The following C3orf20 variants were observed in gnomAD, a reference collection of about 807,000 sequenced individuals.
C3orf20 encodes family with sequence similarity 149 member C.
Under a neutral mutation model 88.3 loss-of-function variants are expected in C3orf20, and 76 were observed. The observed-to-expected ratio is 0.86, with a 90% confidence interval of 0.72 to 1.04. The LOEUF (loss-of-function observed/expected upper bound fraction) is 1.04. C3orf20 is among the 50% of genes least tolerant of loss of function. The pLI, the probability that C3orf20 is intolerant of heterozygous loss-of-function variation, is 0.00. For synonymous variants in C3orf20, 436 were observed against 437.4 expected, an observed-to-expected ratio of 1.00 and a Z score of 0.04; for missense variants, 1,056 against 1,123.3, an observed-to-expected ratio of 0.94 and a Z score of 0.86.
rs919297154 is a variant in C3orf20, at chr3:14,742,991, C to G, written c.1940+14303C>G. Among the ~76,000 whole-genome samples the G allele has an allele frequency of 5.9e-5, 9 of 151,916 alleles. 2 individuals are homozygous for G. The highest frequency in any genetic ancestry group is 1.9e-4 in the African/African-American group (8 of 41,206). ...TCAAGTTGAGATTTCAGTGGAGACA[C>G]AGCCAAACCATATAATTCCACCCGT... On this transcript the variant is annotated intron_variant, in intron 12 of 16. Coordinates refer to ENST00000253697, the MANE Select transcript of C3orf20 (RefSeq NM_032137.5).
chr3:14,720,277 A>G (rs1179218578), intron 9 of C3orf20, among the ~76,000 whole-genome samples: 4 of 152,216 alleles, frequency 2.6e-5, no homozygotes, highest in Admixed American at 6.5e-5. Flanking sequence ...TGATCCGCCC[A>G]CCTTGGCCTC....
At chr3:14,680,896 T>C (rs1452516693) in intron 1 of C3orf20, among the ~76,000 whole-genome samples, 2 of 152,232 alleles carry the variant, frequency 1.3e-5, no homozygotes, top group African/African-American at 4.8e-5. Flanking sequence ...TTCTTTGTCC[T>C]GTGGACTTAT....
intron 12 of C3orf20, among the ~76,000 whole-genome samples, chr3:14,738,225 T>A (rs989846662): frequency 1.4e-5 from 2 of 146,006 alleles, no homozygotes; most frequent in Non-Finnish European, 3.0e-5. Context: ...TGGAGTACAG[T>A]GGTGCAATCT....
chr3:14,685,454 C>T (rs1195797483), intron 4 of C3orf20, among the ~76,000 whole-genome samples: 2 of 102,680 alleles, frequency 1.9e-5, no homozygotes, highest in Non-Finnish European at 4.0e-5. Flanking sequence ...CTCTCTCTCT[C>T]TCTGTTTCTC....
At chr3:14,713,548 A>T (rs988003476) in intron 7 of C3orf20, among the ~76,000 whole-genome samples, 4 of 152,228 alleles carry the variant, frequency 2.6e-5, no homozygotes, top group African/African-American at 9.6e-5. Context: ...GCAGCCTGAT[A>T]GCATTAGAAA....
intron 15 of C3orf20, among the ~76,000 whole-genome samples, chr3:14,769,109 G>A (rs1260222280): frequency 6.6e-6 from 1 of 152,102 alleles, no homozygotes; most frequent in African/African-American, 2.4e-5. Flanking sequence ...AAGGCGCTGA[G>A]ACCAAATCCT....
rs1441041492 is a variant in C3orf20, at chr3:14,768,443, G to A, written c.2496-3624G>A. Among the ~76,000 whole-genome samples the A allele has an allele frequency of 6.6e-6, 1 of 152,032 alleles. No individual in the cohort carries two copies. The highest frequency in any genetic ancestry group is 2.4e-5 in the African/African-American group (1 of 41,330). The stretch of plus-strand genomic sequence containing the variant: ...GAAGCCCCTTGGACAGGCAGGGGAA[G>A]GGCATGCAGACGTAGGCTTTCCTGA... On this transcript the variant is annotated intron_variant, in intron 15 of 16. Coordinates refer to ENST00000253697, the MANE Select transcript of C3orf20 (RefSeq NM_032137.5). This position sits in a 1 kb window ranked among gnomAD's most constrained non-coding sequence, Gnocchi z 4.1.
intron 12 of C3orf20, among the ~76,000 whole-genome samples, chr3:14,733,731 C>T (rs2034612272): frequency 6.6e-6 from 1 of 151,670 alleles, no homozygotes; most frequent in Non-Finnish European, 1.5e-5. Flanking sequence ...ACTCTGTTGC[C>T]AGGCTGGAGT....
At chr3:14,750,315 G>A (rs1032826766) in intron 12 of C3orf20, among the ~76,000 whole-genome samples, 3 of 152,232 alleles carry the variant, frequency 2.0e-5, no homozygotes, top group South Asian at 2.1e-4. Flanking sequence ...TTTGGGAGGC[G>A]TAGGCAGGCA....
intron 9 of C3orf20, 45 bp from the exon 10 acceptor site, chr3:14,721,608 G>A: frequency 4.4e-6 from 7 of 1,605,494 alleles, no homozygotes; most frequent in Non-Finnish European, 6.0e-6. Flanking sequence ...GGTGGCTGGG[G>A]CCGTTGAAGC....
chr3:14,751,899 A>G lies in C3orf20; in HGVS notation c.1941-5472A>G, dbSNP rs561015943. 1.9e-4 allele frequency among the ~76,000 whole-genome samples: 29 copies of G among 152,348 alleles called. 1 individual carries two copies. The South Asian group carries it at 5.4e-3, about 28-fold the overall frequency. Reference sequence around the variant, plus strand: ...AAGAATCAATATTGTGAAAATGGCCATACTACCCAAGATAATTTATACATT... The same window carrying G: ...AAGAATCAATATTGTGAAAATGGCCGTACTACCCAAGATAATTTATACATT... On this transcript the variant is annotated intron_variant, in intron 12 of 16. Coordinates refer to ENST00000253697, the MANE Select transcript of C3orf20 (RefSeq NM_032137.5).
At position 14,761,499 on chromosome 3, in the gene C3orf20, T is replaced by TG. The variant is rs770132565; in HGVS notation, c.2384dup (p.Arg796ProfsTer33). The TG allele has an allele frequency of 1.2e-6, 2 of 1,613,952 alleles. No homozygotes were observed. The highest frequency in any genetic ancestry group is 1.7e-6 in the Non-Finnish European group (2 of 1,180,044). On this transcript the variant is annotated frameshift_variant, in exon 15 of 17. Coordinates refer to ENST00000253697, the MANE Select transcript of C3orf20 (RefSeq NM_032137.5). LOFTEE classifies it high-confidence loss of function. Reference sequence around the variant, plus strand: ...TGTTTGCCGGGGGGAAGCTCATTTTTGGGGGCCGTGTTTTGAATGGATATG... The same window carrying TG: ...TGTTTGCCGGGGGGAAGCTCATTTTTGGGGGGCCGTGTTTTGAATGGATATG...
rs192702109 is a variant in C3orf20, at chr3:14,740,504, A to G, written c.1940+11816A>G. Among the ~76,000 whole-genome samples, 226 of 152,360 alleles carry G rather than the reference A, an allele frequency of 1.5e-3. 1 individual carries two copies. The highest frequency in any genetic ancestry group is 2.5e-3 in the Non-Finnish European group (171 of 68,032). On this transcript the variant is annotated intron_variant, in intron 12 of 16. Coordinates refer to ENST00000253697, the MANE Select transcript of C3orf20 (RefSeq NM_032137.5). ...TTTTGAAATATTGCAGGAATTACCA[A>G]ATGTGACACAGAGACATGAAGTGAG...
At chr3:14,757,255 C>A in intron 12 of C3orf20, 116 bp from the exon 13 acceptor site, 1 of 857,794 alleles carries the variant, frequency 1.2e-6, no homozygotes, top group Non-Finnish European at 1.8e-6. Context: ...GCAGCAGGGC[C>A]CAGACTAAAA....
chr3:14,749,834 A>G (rs1251865767), intron 12 of C3orf20, among the ~76,000 whole-genome samples: 2 of 152,066 alleles, frequency 1.3e-5, no homozygotes, highest in Non-Finnish European at 2.9e-5. Flanking sequence ...ATTAATACCA[A>G]CTTAGCTTTA....
Position 14,682,646 on chromosome 3 carries a change from C to T in C3orf20, c.-68C>T. 6.5e-7 allele frequency: 1 copy of T among 1,536,474 alleles called. No homozygotes were observed. Among genetic ancestry groups the T allele is most frequent in the Non-Finnish European group, 8.7e-7 (1 of 1,144,606 alleles). On this transcript the variant is annotated 5_prime_UTR_variant, in exon 3 of 17. Coordinates refer to ENST00000253697, the MANE Select transcript of C3orf20 (RefSeq NM_032137.5). ...CATTCTGTCCATCTCCAAGCCTTCA[C>T]CGTAGGGAAGAACTTTTGCTCTCAG...
At chr3:14,692,197 G>T (rs1256791781) in intron 5 of C3orf20, among the ~76,000 whole-genome samples, 2 of 152,194 alleles carry the variant, frequency 1.3e-5, no homozygotes, top group African/African-American at 4.8e-5. Context: ...GAGTGGTGCT[G>T]CCCTAAACAT....
intron 15 of C3orf20, 138 bp from the exon 16 acceptor site, chr3:14,771,929 G>A: frequency 9.1e-7 from 1 of 1,093,520 alleles, no homozygotes. Context: ...TCCCCAAGGA[G>A]GTCAGAGTCT....
intron 12 of C3orf20, among the ~76,000 whole-genome samples, chr3:14,755,795 C>T (rs1042319902): frequency 1.3e-5 from 2 of 152,100 alleles, no homozygotes; most frequent in East Asian, 1.9e-4. Flanking sequence ...TTTGGGAGGC[C>T]GAGGCGGGCA....
Sources: gnomAD v4.1 joint callset for allele counts (sites outside exome capture counted in the v4.1 genomes callset) on GRCh38, gnomAD v4.1.1 for gene constraint, Gnocchi (gnomAD v3.1) non-coding constraint, MANE v1.5 for transcripts, NCBI Gene and HGNC (gene_info 2026-07-23, HGNC 2026-07-21) for gene names.